The following NCALD variants were observed in gnomAD, a reference collection of about 807,000 sequenced individuals.
NCALD encodes the protein neurocalcin-delta.
NCALD carries 10 observed loss-of-function variants against 18.6 expected under a neutral mutation model. The ratio of observed to expected loss-of-function variants is 0.54; its 90% CI spans 0.33 to 0.91. The LOEUF (loss-of-function observed/expected upper bound fraction) is 0.91. Among genes scored for constraint, NCALD ranks in the 40% least tolerant of loss-of-function variants. NCALD has a pLI of 0.03. For missense variants in NCALD, 184 were observed against 247.6 expected (o/e 0.74, Z 1.72); for synonymous variants, 88 against 87.4 (o/e 1.01, Z -0.04).
chr8:101,878,641 G>T (rs893584235), intron 4 of NCALD, among the ~76,000 whole-genome samples: 1 of 152,132 alleles, frequency 6.6e-6, no homozygotes, highest in Admixed American at 6.5e-5. Flanking sequence ...CTTATAAGGA[G>T]GTCATACCAG....
chr8:101,783,373 G>C (rs765756146), intron 1 of NCALD, among the ~76,000 whole-genome samples: 1 of 152,158 alleles, frequency 6.6e-6, no homozygotes, highest in Non-Finnish European at 1.5e-5. Flanking sequence ...CCAACACATG[G>C]AGCCACAGAC....
intron 2 of NCALD, among the ~76,000 whole-genome samples, chr8:101,715,268 C>T (rs1816021669): frequency 6.6e-6 from 1 of 152,166 alleles, no homozygotes; most frequent in African/African-American, 2.4e-5. Flanking sequence ...GGAAAACTGG[C>T]TAGCCATATG....
intron 1 of NCALD, among the ~76,000 whole-genome samples, chr8:101,757,600 T>G (rs1810941431): frequency 6.6e-6 from 1 of 152,242 alleles, no homozygotes; most frequent in Non-Finnish European, 1.5e-5. Context: ...ATTTCATTTT[T>G]TTCATGAATT....
chr8:101,891,203 C>A (rs1816861865), intron 3 of NCALD, among the ~76,000 whole-genome samples: 1 of 152,126 alleles, frequency 6.6e-6, no homozygotes, highest in Non-Finnish European at 1.5e-5. Flanking sequence ...CCACTACAAT[C>A]AAGATAGAGA....
At chr8:101,749,801 CTCTA>C (rs1810576809) in intron 1 of NCALD, among the ~76,000 whole-genome samples, 1 of 152,144 alleles carries the variant, frequency 6.6e-6, no homozygotes. Context: ...AATATATTCC[CTCTA>C]TCTCTCTCTT....
intron 1 of NCALD, among the ~76,000 whole-genome samples, chr8:101,726,637 T>C (rs12679265): frequency 1.3e-5 from 2 of 152,214 alleles, no homozygotes; most frequent in Non-Finnish European, 2.9e-5. Context: ...TTTAGTTGTA[T>C]ACGTGTTAAC....
chr8:101,902,905 A>C lies in NCALD; in HGVS notation c.-107+12904T>G, dbSNP rs552447413. 1.1e-4 allele frequency among the ~76,000 whole-genome samples: 16 copies of C among 152,258 alleles called. 1 individual carries two copies. In the South Asian group the frequency reaches 3.1e-3, roughly 30 times the overall value. ...ACCACCTAGACATTCTAATGGTTTCACTTTCACCAACAACTGTGTTGCTCT... is the reference window on the plus strand; with the variant it reads ...ACCACCTAGACATTCTAATGGTTTCCCTTTCACCAACAACTGTGTTGCTCT... On this transcript the variant is annotated intron_variant, in intron 3 of 6. Transcript: ENST00000311028.
At chr8:101,817,426 A>T (rs1813541209) in intron 4 of NCALD, among the ~76,000 whole-genome samples, 1 of 152,188 alleles carries the variant, frequency 6.6e-6, no homozygotes, top group Admixed American at 6.5e-5. Flanking sequence ...ATTAAAAGAA[A>T]GTCTCTTTTG....
chr8:102,018,014 G>A (rs1433863589), intron 2 of NCALD, among the ~76,000 whole-genome samples: 1 of 152,150 alleles, frequency 6.6e-6, no homozygotes, highest in Non-Finnish European at 1.5e-5. Flanking sequence ...TTAGGGAAAT[G>A]AAAATTAAAG....
intron 2 of NCALD, among the ~76,000 whole-genome samples, chr8:101,987,759 C>T (rs1820870147): frequency 6.6e-6 from 1 of 152,044 alleles, no homozygotes; most frequent in South Asian, 2.1e-4. Flanking sequence ...TTTTCCATCA[C>T]GAGAAGTAAT....
chr8:102,105,017 G>A (rs1256266975), intron 1 of NCALD, among the ~76,000 whole-genome samples: 4 of 152,216 alleles, frequency 2.6e-5, no homozygotes, highest in Non-Finnish European at 4.4e-5. Flanking sequence ...ATATAATGTA[G>A]AGAGGACGTG....
intron 2 of NCALD, among the ~76,000 whole-genome samples, chr8:101,966,866 T>C (rs895609964): frequency 4.6e-5 from 7 of 152,146 alleles, no homozygotes; most frequent in Non-Finnish European, 7.3e-5. Context: ...AAACATTGCA[T>C]AATTAAACCA....
chr8:102,054,145 A>G (rs1823548910), intron 1 of NCALD, among the ~76,000 whole-genome samples: 1 of 152,206 alleles, frequency 6.6e-6, no homozygotes, highest in Non-Finnish European at 1.5e-5. Context: ...TCAGTCAGAA[A>G]CACATGCACT....
intron 1 of NCALD, among the ~76,000 whole-genome samples, chr8:102,033,906 C>T (rs1039868509): frequency 6.6e-6 from 1 of 151,916 alleles, no homozygotes; most frequent in Non-Finnish European, 1.5e-5. Context: ...AAGAGAAAAG[C>T]ATATGGGAGT....
Position 101,689,472 on chromosome 8 carries a change from T to C in NCALD, c.485-66A>G. ...CTGCATGAGCTTACACCCTTCCCAC[T>C]ACTGCGTGCTGGGCAGTGTCGATTC... On this transcript the variant is annotated intron_variant, in intron 3 of 3. Coordinates refer to ENST00000220931, the MANE Select transcript of NCALD (RefSeq NM_032041.3). The surrounding 1 kb of genome is among the most constrained non-coding windows in gnomAD (Gnocchi z 4.4). 6.4e-6 allele frequency: 8 copies of C among 1,250,274 alleles called. No homozygotes were observed. Among genetic ancestry groups the C allele is most frequent in the African/African-American group, 1.5e-5 (1 of 67,354 alleles). 77.4% of individuals were successfully genotyped at this position (1,250,274 alleles called of 1,614,324 possible).
Position 101,960,787 on chromosome 8 carries a change from C to T in NCALD, c.-156-44929G>A, listed in dbSNP as rs549643426. 3.9e-5 allele frequency among the ~76,000 whole-genome samples: 6 copies of T among 152,288 alleles called. No homozygotes were observed. In the East Asian group the frequency reaches 9.6e-4, roughly 24 times the overall value. ...GGACCCTTTATTTCACTTTTACCCTCACCAATGTAGTCTGATCACTCTGAT... is the reference window on the plus strand; with the variant it reads ...GGACCCTTTATTTCACTTTTACCCTTACCAATGTAGTCTGATCACTCTGAT... On this transcript the variant is annotated intron_variant, in intron 2 of 6. Transcript: ENST00000311028.
intron 2 of NCALD, among the ~76,000 whole-genome samples, chr8:101,916,348 C>T (rs1330816417): frequency 1.3e-5 from 2 of 152,082 alleles, no homozygotes; most frequent in Non-Finnish European, 2.9e-5. Flanking sequence ...ACCACTAGAC[C>T]AGCCTTATGA....
chr8:102,092,021 C>A (rs1824940598), intron 1 of NCALD, among the ~76,000 whole-genome samples: 1 of 152,158 alleles, frequency 6.6e-6, no homozygotes, highest in Non-Finnish European at 1.5e-5. Context: ...ACGTACTGGG[C>A]TGCAATCCCA....
intron 2 of NCALD, among the ~76,000 whole-genome samples, chr8:101,932,290 G>A (rs999106266): frequency 2.6e-5 from 4 of 152,184 alleles, no homozygotes; most frequent in Admixed American, 6.5e-5. Flanking sequence ...ATGCTGAGTG[G>A]TAACTGATGG....
Sources: gnomAD v4.1 joint callset for allele counts (sites outside exome capture counted in the v4.1 genomes callset) on GRCh38, gnomAD v4.1.1 for gene constraint, Gnocchi (gnomAD v3.1) non-coding constraint, MANE v1.5 for transcripts, NCBI Gene and HGNC (gene_info 2026-07-23, HGNC 2026-07-21) for gene names.